The following AMPD1 variants were observed in gnomAD, a reference collection of about 807,000 sequenced individuals.
AMPD1 encodes adenosine monophosphate deaminase 1, also known as AMP deaminase 1.
AMPD1 carries 74 observed loss-of-function variants against 82.9 expected under a neutral mutation model. That is an observed-to-expected ratio of 0.89 (90% CI 0.74 to 1.08). The LOEUF (loss-of-function observed/expected upper bound fraction) is 1.08. AMPD1 is among the 50% of genes least tolerant of loss of function. The pLI is 0.00. For synonymous variants in AMPD1, 333 were observed against 320.5 expected (o/e 1.04, Z -0.42); for missense variants, 881 against 924.5 (o/e 0.95, Z 0.61).
At chr1:114,678,079 A>G (rs1317632685) in intron 8 of AMPD1, 38 bp from the exon 9 acceptor site, 7 of 1,612,920 alleles carry the variant, frequency 4.3e-6, no homozygotes, top group African/African-American at 1.3e-5. Flanking sequence ...TATTATTACC[A>G]GAGCTGTCTG....
At chr1:114,673,503 C>G in intron 15 of AMPD1, 136 bp downstream of exon 15, 1 of 866,430 alleles carries the variant, frequency 1.2e-6, no homozygotes, top group Middle Eastern at 2.2e-4. Context: ...TAGAATAATC[C>G]CTTCTAGTCC....
chr1:114,687,783 T>A (rs1270844056), intron 3 of AMPD1, among the ~76,000 whole-genome samples: 2 of 152,062 alleles, frequency 1.3e-5, no homozygotes, highest in African/African-American at 4.8e-5. Flanking sequence ...GAGGGCAGAA[T>A]TGGAGAGCAG....
Position 114,673,183 on chromosome 1 carries a change from C to T in AMPD1, c.2175G>A (p.Met725Ile). 1.2e-6 allele frequency: 2 copies of T among 1,614,058 alleles called. No homozygotes were observed. The highest frequency in any genetic ancestry group is 1.7e-6 in the Non-Finnish European group (2 of 1,180,004). The stretch of plus-strand genomic sequence containing the variant: ...AACACCAGGTTTCATAGCGATAGGC[C>T]ATGCGGATTTGGGCTACATTTGTCC... ...IRRTNVAQIRMAYRYETWCYE... is the reference protein window; with the variant it reads ...IRRTNVAQIRIAYRYETWCYE... The change falls in exon 16 of 16, where the codon ATG becomes ATA. Residue 725 changes from methionine (M) to isoleucine (I), a missense_variant. This residue lies in a region of AMPD1 where 98 missense variants were observed against 138.1 expected (regional missense o/e 0.71). Coordinates refer to ENST00000520113, the MANE Select transcript of AMPD1 (RefSeq NM_000036.3).
intron 2 of AMPD1, among the ~76,000 whole-genome samples, chr1:114,689,248 A>G (rs974049262): frequency 3.9e-5 from 6 of 152,138 alleles, no homozygotes; most frequent in Non-Finnish European, 8.8e-5. Flanking sequence ...CCTTTCTTCT[A>G]CTTAAGACAG....
intron 3 of AMPD1, among the ~76,000 whole-genome samples, chr1:114,688,123 G>T (rs1313665480): frequency 6.6e-6 from 1 of 151,918 alleles, no homozygotes; most frequent in African/African-American, 2.4e-5. Flanking sequence ...ACAGTGTTGG[G>T]GGGAAAAGGA....
chr1:114,688,115 A>G (rs998783029), intron 3 of AMPD1, among the ~76,000 whole-genome samples: 5 of 151,768 alleles, frequency 3.3e-5, no homozygotes, highest in African/African-American at 1.2e-4. Flanking sequence ...TAGCATATAC[A>G]GTGTTGGGGG....
intron 7 of AMPD1, 150 bp from the exon 8 acceptor site, chr1:114,678,677 T>TA (rs1302838625): frequency 2.5e-6 from 2 of 792,632 alleles, no homozygotes; most frequent in Middle Eastern, 3.5e-4. Context: ...GGTCCAGCAA[T>TA]AAAAAATCCA....
At chr1:114,691,440 C>T (rs971328557) in intron 2 of AMPD1, among the ~76,000 whole-genome samples, 5 of 151,038 alleles carry the variant, frequency 3.3e-5, no homozygotes, top group Admixed American at 6.6e-5. Context: ...TGGTGGCATA[C>T]GCATGTAGTC....
chr1:114,688,478 T>C, intron 3 of AMPD1, 83 bp downstream of exon 3: 1 of 1,482,754 alleles, frequency 6.7e-7, no homozygotes, highest in Non-Finnish European at 9.4e-7. Flanking sequence ...GAACCATCAT[T>C]TGGATAAATT....
At chr1:114,688,247 C>A (rs1658377993) in intron 3 of AMPD1, among the ~76,000 whole-genome samples, 1 of 152,150 alleles carries the variant, frequency 6.6e-6, no homozygotes, top group Non-Finnish European at 1.5e-5. Flanking sequence ...CCTGCCTCAA[C>A]CTCCCAGGTA....
chr1:114,682,051 C>T (rs966047667), intron 5 of AMPD1, among the ~76,000 whole-genome samples: 8 of 152,096 alleles, frequency 5.3e-5, no homozygotes, highest in Admixed American at 2.6e-4. Context: ...CGATTTCAGC[C>T]TAAGGAAGCC....
At position 114,677,481 on chromosome 1, in the gene AMPD1, G is replaced by A. The variant is rs755089263; in HGVS notation, c.1258C>T (p.Gln420Ter). 1.2e-6 allele frequency: 2 copies of A among 1,613,488 alleles called. No homozygotes were observed. Among genetic ancestry groups the A allele is most frequent in the East Asian group, 4.5e-5 (2 of 44,846 alleles). ...VGADLVEAKY[Q>*]HAEPRLSIYG... ...ATGGACAGGCGGGGCTCAGCATGCTGGTACTTGGCCTCCACCAGGTCCGCA... is the reference window on the plus strand; with the variant it reads ...ATGGACAGGCGGGGCTCAGCATGCTAGTACTTGGCCTCCACCAGGTCCGCA... The change falls in exon 10 of 16, where the codon CAG (glutamine) becomes TAG (stop). Residue 420 changes from glutamine (Q) to a stop codon, truncating the protein, a stop_gained. Coordinates refer to ENST00000520113, the MANE Select transcript of AMPD1 (RefSeq NM_000036.3). LOFTEE classifies it high-confidence loss of function.
In AMPD1 at chr1:114,679,705, C is replaced by T; in HGVS notation, c.771G>A (p.Lys257=). Residue 257 remains lysine, a synonymous_variant, in exon 7 of 16, where the codon AAG becomes AAA. Transcript: ENST00000520113. The part of the protein sequence containing the change: ...LLALIAQGPV[K]TYTHRRLKFL... ...ACTTCAGGCGCCGGTGGGTATAGGT[C>T]TTACTGTGAAAAATAAAATCACATA... 1.2e-6 allele frequency: 2 copies of T among 1,613,856 alleles called. No homozygotes were observed. The highest frequency in any genetic ancestry group is 2.2e-5 in the South Asian group (2 of 91,048).
Position 114,677,986 on chromosome 1 carries a change from C to T in AMPD1, c.1148G>A (p.Gly383Glu), listed in dbSNP as rs769460760. The change falls in exon 9 of 16, where the codon GGA becomes GAA. Residue 383 changes from glycine (G) to glutamate (E), a missense_variant. Transcript: ENST00000520113. ...DKFNDKYNPV[G>E]ASELRDLYLK... ...GTAGAGGTCCCGTAGCTCACTTGCT[C>T]CTACAGGATTATATTTGTCATTGAA... 1.2e-6 allele frequency: 2 copies of T among 1,613,818 alleles called. No homozygotes were observed. Among genetic ancestry groups the T allele is most frequent in the South Asian group, 1.1e-5 (1 of 91,076 alleles).
intron 5 of AMPD1, among the ~76,000 whole-genome samples, chr1:114,682,383 T>C (rs574990186): frequency 4.3e-4 from 65 of 152,270 alleles, no homozygotes; most frequent in African/African-American, 1.5e-3. Context: ...AATGATATAA[T>C]TATTATTGAA....
chr1:114,689,008 G>A (rs533427386), intron 2 of AMPD1: 93 of 674,148 alleles, frequency 1.4e-4, no homozygotes, highest in African/African-American at 1.1e-3. Flanking sequence ...AGATGAGACC[G>A]GGCTGTTGTA....
chr1:114,682,713 G>A (rs1018654686), intron 5 of AMPD1, among the ~76,000 whole-genome samples: 5 of 152,080 alleles, frequency 3.3e-5, no homozygotes, highest in African/African-American at 4.8e-5. Flanking sequence ...GGAGTAGCTG[G>A]GACTACAGGC....
chr1:114,681,787 A>G (rs1658166545), intron 5 of AMPD1, among the ~76,000 whole-genome samples: 3 of 152,152 alleles, frequency 2.0e-5, no homozygotes, highest in South Asian at 4.1e-4. Context: ...CTCAAAGCCT[A>G]TGGGTTTTGG....
At chr1:114,693,846 C>A (rs1305866193) in intron 1 of AMPD1, among the ~76,000 whole-genome samples, 2 of 152,160 alleles carry the variant, frequency 1.3e-5, no homozygotes, top group African/African-American at 2.4e-5. Flanking sequence ...CGGAAATCAT[C>A]CTTAAACATG....
Sources: allele counts gnomAD v4.1 joint callset (sites outside exome capture counted in the v4.1 genomes callset), GRCh38; gene constraint gnomAD v4.1.1; regional missense constraint gnomAD v4.1.1; transcripts MANE v1.5; gene names NCBI Gene and HGNC (gene_info 2026-07-23, HGNC 2026-07-21).